Variants in RBFOX1 observed in about 807,000 individuals in gnomAD.
RBFOX1 encodes RNA binding protein fox-1 homolog 1.
A neutral mutation model predicts 57.7 loss-of-function variants in RBFOX1; 8 were observed. The observed-to-expected ratio is 0.14, with a 90% CI of 0.08 to 0.25. The LOEUF (loss-of-function observed/expected upper bound fraction) is 0.25. Ranked by LOEUF, RBFOX1 falls within the 10% of genes least tolerant of loss-of-function variation. The pLI is 1.00. For synonymous variants in RBFOX1, 326 were observed against 222.4 expected, an observed-to-expected ratio of 1.47 and a Z score of -4.15; for missense variants, 611 against 548.5, an observed-to-expected ratio of 1.11 and a Z score of -1.14.
At chr16:5,990,305 G>A (rs2060369994) in intron 4 of RBFOX1, among the ~76,000 whole-genome samples, 1 of 152,134 alleles carries the variant, frequency 6.6e-6, no homozygotes, top group South Asian at 2.1e-4. Context: ...AAAGGCATAT[G>A]TGAAGATTTC....
intron 13 of RBFOX1, among the ~76,000 whole-genome samples, chr16:7,670,252 G>A (rs533643522): frequency 1.6e-4 from 25 of 152,212 alleles, no homozygotes; most frequent in African/African-American, 4.8e-4. Context: ...GGCTGGTCTC[G>A]AACTTCCGAC....
At chr16:6,884,555 G>C (rs2063587178) in intron 3 of RBFOX1, among the ~76,000 whole-genome samples, 1 of 152,022 alleles carries the variant, frequency 6.6e-6, no homozygotes, top group Non-Finnish European at 1.5e-5. Context: ...ATTATCATAA[G>C]ACCTCAAATA....
chr16:6,996,094 A>G (rs2092208290), intron 3 of RBFOX1, among the ~76,000 whole-genome samples: 1 of 152,216 alleles, frequency 6.6e-6, no homozygotes. Context: ...ATCCAAGTAT[A>G]TTCCATTAGT....
chr16:6,727,406 T>C (rs1463209817), intron 3 of RBFOX1, among the ~76,000 whole-genome samples: 2 of 152,174 alleles, frequency 1.3e-5, no homozygotes, highest in African/African-American at 2.4e-5. Context: ...CATTTTACAA[T>C]TGTTCCTGGT....
At chr16:5,770,554 C>T (rs1435250464) in intron 3 of RBFOX1, among the ~76,000 whole-genome samples, 2 of 152,178 alleles carry the variant, frequency 1.3e-5, no homozygotes, top group Admixed American at 6.5e-5. Context: ...GTGCTATCTG[C>T]CTATGGGGTA....
At chr16:6,170,413 TAATA>T (rs1406800039) in intron 1 of RBFOX1, among the ~76,000 whole-genome samples, 6 of 152,190 alleles carry the variant, frequency 3.9e-5, no homozygotes, top group African/African-American at 1.4e-4. Flanking sequence ...ATGAGGGAAT[TAATA>T]AAGTCACCAA....
At chr16:7,301,003 C>T (rs2096016813) in intron 4 of RBFOX1, among the ~76,000 whole-genome samples, 1 of 151,994 alleles carries the variant, frequency 6.6e-6, no homozygotes, top group Non-Finnish European at 1.5e-5. Flanking sequence ...TTTCTTTCCC[C>T]ACTTCTCCCA....
intron 3 of RBFOX1, among the ~76,000 whole-genome samples, chr16:6,991,157 A>AAC (rs2091370671): frequency 6.7e-6 from 1 of 149,962 alleles, no homozygotes; most frequent in African/African-American, 2.5e-5. Flanking sequence ...AAAAAAAAAA[A>AAC]AAAAAGACAC....
chr16:7,035,566 C>G (rs984981259), intron 3 of RBFOX1, among the ~76,000 whole-genome samples: 1 of 152,078 alleles, frequency 6.6e-6, no homozygotes, highest in Non-Finnish European at 1.5e-5. Flanking sequence ...AAAATATTTT[C>G]TTTCTGAAGG....
At chr16:6,641,875 A>G (rs1020856651) in intron 2 of RBFOX1, among the ~76,000 whole-genome samples, 25 of 150,242 alleles carry the variant, frequency 1.7e-4, no homozygotes, top group African/African-American at 5.9e-4. Context: ...TACCCACTTT[A>G]GCTCACCTGG....
At chr16:6,727,085 A>G (rs1393690113) in intron 3 of RBFOX1, among the ~76,000 whole-genome samples, 2 of 131,832 alleles carry the variant, frequency 1.5e-5, no homozygotes, top group East Asian at 2.4e-4. Context: ...AGAGACACAC[A>G]AAACACACAC....
chr16:5,832,602 A>G (rs1043043078), intron 3 of RBFOX1, among the ~76,000 whole-genome samples: 4 of 152,320 alleles, frequency 2.6e-5, no homozygotes, highest in Middle Eastern at 6.8e-3. Flanking sequence ...TACTGCAATT[A>G]CACCTATTTG....
At chr16:5,364,393 C>T (rs994334139) in intron 1 of RBFOX1, among the ~76,000 whole-genome samples, 1 of 152,142 alleles carries the variant, frequency 6.6e-6, no homozygotes, top group Non-Finnish European at 1.5e-5. Context: ...GAAAACAAGC[C>T]AGTTGCCAAT....
intron 2 of RBFOX1, among the ~76,000 whole-genome samples, chr16:6,381,145 A>C (rs1414126145): frequency 1.3e-5 from 2 of 152,210 alleles, no homozygotes; most frequent in African/African-American, 4.8e-5. Context: ...CTGGAGAAGA[A>C]GGAATAGATC....
At chr16:7,205,342 A>T (rs921038381) in intron 4 of RBFOX1, among the ~76,000 whole-genome samples, 1 of 151,820 alleles carries the variant, frequency 6.6e-6, no homozygotes, top group Non-Finnish European at 1.5e-5. Context: ...ACATGGTGAA[A>T]CCTCATTTCT....
intron 2 of RBFOX1, among the ~76,000 whole-genome samples, chr16:6,426,936 A>G (rs1415190175): frequency 6.6e-6 from 1 of 151,408 alleles, no homozygotes; most frequent in Non-Finnish European, 1.5e-5. Context: ...CCTGAAACCA[A>G]CTCTCCATCA....
intron 2 of RBFOX1, among the ~76,000 whole-genome samples, chr16:6,487,515 A>G (rs1170554527): frequency 6.6e-6 from 1 of 151,446 alleles, no homozygotes; most frequent in Non-Finnish European, 1.5e-5. Context: ...GGTTGGGTTT[A>G]AAAGAAAAGA....
chr16:6,002,872 T>C (rs2152330842), intron 4 of RBFOX1, among the ~76,000 whole-genome samples: 1 of 152,302 alleles, frequency 6.6e-6, no homozygotes, highest in African/African-American at 2.4e-5. Flanking sequence ...ATATCCTCTG[T>C]GGTATCTGAG....
chr16:5,294,353 C>T (rs566337387), intron 1 of RBFOX1, among the ~76,000 whole-genome samples: 60 of 152,318 alleles, frequency 3.9e-4, no homozygotes, highest in African/African-American at 1.4e-3. Context: ...TTTAAAATCT[C>T]CCCAGCTGAT....
Sources: allele counts gnomAD v4.1 joint callset (sites outside exome capture counted in the v4.1 genomes callset), GRCh38; gene constraint gnomAD v4.1.1; transcripts MANE v1.5; gene names NCBI Gene and HGNC (gene_info 2026-07-23, HGNC 2026-07-21).